OXR1: variants seen among roughly 807,000 people sequenced by gnomAD.
OXR1 encodes the protein oxidation resistance 1.
Under a neutral mutation model 104.6 loss-of-function variants are expected in OXR1, and 41 were observed. The ratio of observed to expected loss-of-function variants is 0.39; its 90% CI spans 0.31 to 0.51. The LOEUF (loss-of-function observed/expected upper bound fraction) is 0.51. OXR1 is among the 20% of genes least tolerant of loss of function. OXR1 has a pLI of 0.77. For missense variants in OXR1, 955 were observed against 1,031.9 expected (o/e 0.93, Z 1.02); for synonymous variants, 348 against 348.4 (o/e 1.00, Z 0.01).
intron 1 of OXR1, among the ~76,000 whole-genome samples, chr8:106,357,654 A>G (rs893568539): frequency 3.3e-5 from 5 of 152,058 alleles, no homozygotes; most frequent in Non-Finnish European, 7.4e-5. Context: ...TAAATATTAT[A>G]TTTTATTAAT....
chr8:106,702,841 A>T, intron 7 of OXR1, 65 bp from the exon 8 acceptor site: 1 of 1,229,378 alleles, frequency 8.1e-7, no homozygotes. Flanking sequence ...ATTAGTAAAA[A>T]TAGCTAGATA....
At chr8:106,405,091 T>C (rs1220450596) in intron 2 of OXR1, among the ~76,000 whole-genome samples, 1 of 147,762 alleles carries the variant, frequency 6.8e-6, no homozygotes, top group East Asian at 2.0e-4. Context: ...GAAGAGGAAG[T>C]CATTAAAATA....
chr8:106,301,923 C>T (rs906436947), intron 1 of OXR1, among the ~76,000 whole-genome samples: 2 of 152,040 alleles, frequency 1.3e-5, no homozygotes, highest in African/African-American at 4.8e-5. Flanking sequence ...GTAGTCTTGA[C>T]CATCTTTTCC....
chr8:106,440,764 G>A (rs2130587388), intron 2 of OXR1, among the ~76,000 whole-genome samples: 1 of 152,074 alleles, frequency 6.6e-6, no homozygotes, highest in Non-Finnish European at 1.5e-5. Flanking sequence ...TAATAATTTA[G>A]CTTTAGTCTT....
intron 3 of OXR1, among the ~76,000 whole-genome samples, chr8:106,592,525 C>T (rs756674445): frequency 6.6e-6 from 1 of 152,108 alleles, no homozygotes; most frequent in Non-Finnish European, 1.5e-5. Flanking sequence ...CCACTTCTGA[C>T]TCCAGAAGTG....
chr8:106,447,282 T>C (rs1007898552), intron 2 of OXR1, among the ~76,000 whole-genome samples: 12 of 152,208 alleles, frequency 7.9e-5, no homozygotes, highest in Non-Finnish European at 1.5e-4. Context: ...CTACTTTATC[T>C]GATTTTTCTT....
intron 8 of OXR1, among the ~76,000 whole-genome samples, chr8:106,704,443 A>G (rs557116777): frequency 6.5e-4 from 71 of 109,974 alleles, no homozygotes; most frequent in Non-Finnish European, 1.0e-3. Flanking sequence ...GTCTCGCTCT[A>G]TCACCCAGGC....
chr8:106,657,317 A>T (rs1347280138), intron 3 of OXR1, among the ~76,000 whole-genome samples: 5 of 92,330 alleles, frequency 5.4e-5, no homozygotes, highest in Non-Finnish European at 1.1e-4. Flanking sequence ...GTCCTTAAAC[A>T]TAAAAAAAAA....
chr8:106,367,615 A>C lies in OXR1; in HGVS notation c.23+7979A>C, dbSNP rs944588101. 2.0e-5 allele frequency among the ~76,000 whole-genome samples: 3 copies of C among 152,264 alleles called. No homozygotes were observed. In the South Asian group the frequency reaches 6.2e-4, roughly 32 times the overall value. On this transcript the variant is annotated intron_variant, in intron 2 of 16. Coordinates refer to ENST00000517566, the MANE Select transcript of OXR1 (RefSeq NM_001198533.2). ...TTTAATGCTGTGGAGAGAATGATGA[A>C]TGACAGAAATTTCTGCTCTCATGAA...
intron 11 of OXR1, chr8:106,726,039 A>G (rs901838537): frequency 3.1e-6 from 2 of 652,508 alleles, no homozygotes; most frequent in Non-Finnish European, 4.6e-6. Context: ...CCCCAGCTTT[A>G]CAGCCTCCAC....
chr8:106,379,133 A>T (rs1317078796), intron 2 of OXR1, among the ~76,000 whole-genome samples: 1 of 152,184 alleles, frequency 6.6e-6, no homozygotes, highest in Non-Finnish European at 1.5e-5. Flanking sequence ...CATCACCTGG[A>T]AACGTGTTAA....
chr8:106,710,287 T>TTA (rs551404717), intron 9 of OXR1, among the ~76,000 whole-genome samples: 115 of 150,208 alleles, frequency 7.7e-4, no homozygotes, highest in Non-Finnish European at 1.2e-3. Context: ...ATGTAGAAAA[T>TTA]TATATATATA....
At chr8:106,355,931 C>T (rs1815949275) in intron 1 of OXR1, among the ~76,000 whole-genome samples, 1 of 151,952 alleles carries the variant, frequency 6.6e-6, no homozygotes, top group South Asian at 2.1e-4. Context: ...ATGCATCAGA[C>T]AGAGTTAAAC....
intron 11 of OXR1, among the ~76,000 whole-genome samples, chr8:106,728,217 GAAAAAAAAA>G (rs1164061309): frequency 4.7e-5 from 4 of 85,796 alleles, no homozygotes; most frequent in East Asian, 3.5e-4. Context: ...TTCTAAACTG[GAAAAAAAAA>G]AAAAAAAAAA....
At chr8:106,628,466 T>C (rs572993849) in intron 3 of OXR1, among the ~76,000 whole-genome samples, 3 of 152,288 alleles carry the variant, frequency 2.0e-5, no homozygotes, top group African/African-American at 7.2e-5. Flanking sequence ...CACCTATAGA[T>C]AGAAATGGAG....
chr8:106,498,352 A>C (rs548209686), intron 2 of OXR1, among the ~76,000 whole-genome samples: 11 of 152,350 alleles, frequency 7.2e-5, no homozygotes, highest in Non-Finnish European at 1.5e-4. Flanking sequence ...CTTTGCAAAT[A>C]AATCAATCAA....
intron 3 of OXR1, chr8:106,657,904 C>T (rs1300114282): frequency 1.4e-5 from 18 of 1,246,340 alleles, no homozygotes; most frequent in Non-Finnish European, 1.8e-5. Flanking sequence ...GTCTGATGGG[C>T]CGGTGGGCGC....
At chr8:106,353,738 G>C (rs1815838637) in intron 1 of OXR1, among the ~76,000 whole-genome samples, 1 of 151,940 alleles carries the variant, frequency 6.6e-6, no homozygotes. Flanking sequence ...ATTTTTTATG[G>C]TGAGAACATT....
intron 1 of OXR1, among the ~76,000 whole-genome samples, chr8:106,339,094 A>G (rs1815085664): frequency 6.6e-6 from 1 of 152,152 alleles, no homozygotes; most frequent in Non-Finnish European, 1.5e-5. Context: ...GTTTCCCTTT[A>G]AGAACATACT....
Sources: gnomAD v4.1 joint callset for allele counts (sites outside exome capture counted in the v4.1 genomes callset) on GRCh38, gnomAD v4.1.1 for gene constraint, MANE v1.5 for transcripts, NCBI Gene and HGNC (gene_info 2026-07-23, HGNC 2026-07-21) for gene names.